FTCDNL1: variants seen among roughly 807,000 people sequenced by gnomAD.
FTCDNL1 encodes formiminotransferase N-terminal subdomain-containing protein.
In FTCDNL1, 11 loss-of-function variants were observed where a neutral mutation model predicts 5.9. The ratio of observed to expected loss-of-function variants is 1.87; its 90% CI spans 1.18 to 3.10. FTCDNL1 has a LOEUF of 3.10. Among genes scored for constraint, FTCDNL1 ranks in the 30% most tolerant of loss-of-function variants. FTCDNL1 has a pLI of 0.00. For missense variants in FTCDNL1, 115 were observed against 65.5 expected (o/e 1.76, Z -2.61); for synonymous variants, 58 against 24.8 (o/e 2.34, Z -3.99).
chr2:199,749,293 T>C, the FTCDNL1 span, among the ~76,000 whole-genome samples: 2 of 152,162 alleles, frequency 1.3e-5, no homozygotes, highest in Middle Eastern at 3.2e-3. Flanking sequence ...AATGAATAGA[T>C]GTGTGGGAAT....
the FTCDNL1 span, among the ~76,000 whole-genome samples, chr2:199,728,376 A>G: frequency 6.6e-6 from 1 of 151,882 alleles, no homozygotes. Flanking sequence ...CCACCTGAGT[A>G]GCTGGGACTA....
At chr2:199,715,684 C>T in the FTCDNL1 span, among the ~76,000 whole-genome samples, 2 of 152,108 alleles carry the variant, frequency 1.3e-5, no homozygotes, top group Non-Finnish European at 2.9e-5. Context: ...GATAGCAACC[C>T]TATGAGGTGC....
the FTCDNL1 span, among the ~76,000 whole-genome samples, chr2:199,717,689 C>T: frequency 6.6e-6 from 1 of 151,888 alleles, no homozygotes; most frequent in East Asian, 1.9e-4. Context: ...AACTGGTCAG[C>T]ATTGGCTCCT....
chr2:199,812,703 T>C lies in FTCDNL1; in HGVS notation c.*2A>G, dbSNP rs1167600318. The C allele has an allele frequency of 1.1e-5, 8 of 699,322 alleles. No homozygotes were observed. The highest frequency in any genetic ancestry group is 2.1e-5 in the Non-Finnish European group (8 of 383,748). 43.3% of individuals were successfully genotyped at this position (699,322 alleles called of 1,614,324 possible). On this transcript the variant is annotated 3_prime_UTR_variant, in exon 5 of 5. Coordinates refer to ENST00000420128, the MANE Select transcript of FTCDNL1 (RefSeq NM_001363886.2). ...AATTCCAATTTTCTTCCAACACAAC[T>C]GTCACAACGCCCTGAAGCAAGCTAA...
the FTCDNL1 span, among the ~76,000 whole-genome samples, chr2:199,679,337 T>C: frequency 3.3e-5 from 5 of 152,130 alleles, no homozygotes; most frequent in African/African-American, 1.2e-4. Context: ...TTTGTGGCAA[T>C]TTTGGGGTTT....
At chr2:199,761,256 C>A (rs1698257057) in intron 3 of FTCDNL1, among the ~76,000 whole-genome samples, 1 of 152,230 alleles carries the variant, frequency 6.6e-6, no homozygotes, top group South Asian at 2.1e-4. Context: ...TCAGGTCCTG[C>A]ACAACCCACA....
intron 3 of FTCDNL1, among the ~76,000 whole-genome samples, chr2:199,833,744 C>T (rs1462063469): frequency 3.3e-5 from 5 of 152,158 alleles, no homozygotes; most frequent in Admixed American, 6.5e-5. Context: ...CTGCTGGCCA[C>T]AGACAACACA....
intron 3 of FTCDNL1, among the ~76,000 whole-genome samples, chr2:199,837,423 A>G (rs1702826402): frequency 6.6e-6 from 1 of 152,224 alleles, no homozygotes; most frequent in African/African-American, 2.4e-5. Flanking sequence ...TTAGAACTAT[A>G]TCAGAACCCA....
At chr2:199,847,963 T>A (rs1489743437) in intron 2 of FTCDNL1, among the ~76,000 whole-genome samples, 1 of 152,222 alleles carries the variant, frequency 6.6e-6, no homozygotes, top group Non-Finnish European at 1.5e-5. Flanking sequence ...TAAGATGGGT[T>A]GGGGGAAAAC....
the FTCDNL1 span, among the ~76,000 whole-genome samples, chr2:199,754,429 G>T: frequency 6.6e-6 from 1 of 152,144 alleles, no homozygotes; most frequent in South Asian, 2.1e-4. Context: ...AGCATATCAG[G>T]GCTGGTGGCC....
the FTCDNL1 span, among the ~76,000 whole-genome samples, chr2:199,667,391 C>T: frequency 6.6e-6 from 1 of 152,090 alleles, no homozygotes. Flanking sequence ...AATCCCAGGA[C>T]TTTGGGAGGC....
chr2:199,847,611 T>C (rs1424234610), intron 2 of FTCDNL1, among the ~76,000 whole-genome samples: 1 of 152,192 alleles, frequency 6.6e-6, no homozygotes, highest in East Asian at 1.9e-4. Flanking sequence ...AGTAAATTGT[T>C]TGGTATTTGT....
rs568244689 is a variant in FTCDNL1 at position 199,833,325 on chromosome 2, G to A, written c.211+12750C>T. On this transcript the variant is annotated intron_variant, in intron 3 of 4. Coordinates refer to ENST00000420128, the MANE Select transcript of FTCDNL1 (RefSeq NM_001363886.2). Reference sequence around the variant, plus strand: ...CTTGCTTCCCTGTCTAACCACAGTGGAATGTGATGTTATTGGTTAGTTCAT... The same window carrying A: ...CTTGCTTCCCTGTCTAACCACAGTGAAATGTGATGTTATTGGTTAGTTCAT... 1.4e-3 allele frequency among the ~76,000 whole-genome samples: 208 copies of A among 152,160 alleles called. 1 individual carries two copies. Among genetic ancestry groups the A allele is most frequent in the Non-Finnish European group, 2.5e-3 (169 of 68,002 alleles).
chr2:199,708,457 A>G, the FTCDNL1 span, among the ~76,000 whole-genome samples: 85 of 152,268 alleles, frequency 5.6e-4, no homozygotes, highest in African/African-American at 1.9e-3. Flanking sequence ...TTTTATTAAT[A>G]CTAGACATTG....
the FTCDNL1 span, among the ~76,000 whole-genome samples, chr2:199,665,655 A>G: frequency 7.1e-6 from 1 of 140,588 alleles, no homozygotes; most frequent in Non-Finnish European, 1.5e-5. Flanking sequence ...AAAAAAAAAG[A>G]ATAAAGAAAG....
chr2:199,760,758 G>A (rs1202761317), exon 4 of FTCDNL1: 1 of 702,252 alleles, frequency 1.4e-6, no homozygotes, highest in Admixed American at 2.0e-5. Context: ...CCATTCTGTG[G>A]ATTGCTCTGC....
intron 3 of FTCDNL1, among the ~76,000 whole-genome samples, chr2:199,770,391 C>A (rs574102483): frequency 1.0e-3 from 159 of 152,288 alleles, no homozygotes; most frequent in African/African-American, 3.7e-3. Flanking sequence ...AGTCCAACAT[C>A]GCATAGTCAG....
At chr2:199,728,948 C>T in the FTCDNL1 span, among the ~76,000 whole-genome samples, 1 of 152,100 alleles carries the variant, frequency 6.6e-6, no homozygotes, top group Non-Finnish European at 1.5e-5. Context: ...GAAGTTTGTC[C>T]TGCCAGATAA....
At chr2:199,694,477 G>A in the FTCDNL1 span, among the ~76,000 whole-genome samples, 4 of 152,050 alleles carry the variant, frequency 2.6e-5, no homozygotes. Context: ...CTAATCTTAG[G>A]TAGTACATTA....
Sources: allele counts gnomAD v4.1 joint callset (sites outside exome capture counted in the v4.1 genomes callset), GRCh38; gene constraint gnomAD v4.1.1; transcripts MANE v1.5; gene names NCBI Gene and HGNC (gene_info 2026-07-23, HGNC 2026-07-21).